The following RBCK1 variants were observed in gnomAD, a reference collection of about 807,000 sequenced individuals.
RBCK1 encodes the protein RANBP2-type and C3HC4-type zinc finger containing 1, also known as ranBP-type and C3HC4-type zinc finger-containing protein 1.
A neutral mutation model predicts 71.1 loss-of-function variants in RBCK1; 44 were observed. The observed-to-expected ratio is 0.62, with a 90% CI of 0.49 to 0.80. RBCK1 has a LOEUF of 0.80. Ranked by LOEUF, RBCK1 falls within the 30% of genes least tolerant of loss-of-function variation. The pLI is 0.00. For missense variants in RBCK1, 569 were observed against 685.0 expected, an observed-to-expected ratio of 0.83 and a Z score of 1.89; for synonymous variants, 306 against 279.7, an observed-to-expected ratio of 1.09 and a Z score of -0.94.
At chr20:423,264 A>T (rs981719366) in intron 8 of RBCK1, among the ~76,000 whole-genome samples, 5 of 152,150 alleles carry the variant, frequency 3.3e-5, no homozygotes, top group African/African-American at 1.2e-4. Context: ...GCGCCATTGC[A>T]CTCCAGCCTG....
chr20:420,398 C>T (rs949601162), intron 6 of RBCK1: 3 of 984,872 alleles, frequency 3.0e-6, no homozygotes, highest in South Asian at 9.4e-5. Flanking sequence ...CGGTGCTGCC[C>T]CTGGCCACCC....
Position 428,095 on chromosome 20 carries a change from A to C in RBCK1, c.1210-396A>C, listed in dbSNP as rs1043053051. Among the ~76,000 whole-genome samples the C allele has an allele frequency of 7.9e-5, 12 of 152,324 alleles. No individual in the cohort carries two copies. The highest frequency in any genetic ancestry group is 2.9e-4 in the African/African-American group (12 of 41,574). On this transcript the variant is annotated intron_variant, in intron 9 of 11. Coordinates refer to ENST00000356286, the MANE Select transcript of RBCK1 (RefSeq NM_031229.4). The surrounding 1 kb of genome is among the most constrained non-coding windows in gnomAD (Gnocchi z 5.7). ...GTAAACAGGTCTGGAGCCTGGTCTCAGACTCAGCCTGAGCAAGCTCAGTCT... is the reference window on the plus strand; with the variant it reads ...GTAAACAGGTCTGGAGCCTGGTCTCCGACTCAGCCTGAGCAAGCTCAGTCT...
chr20:426,816 CTTTTTTTTTTT>C lies in RBCK1; in HGVS notation c.1030-479_1030-469del, dbSNP rs768525416. Among the ~76,000 whole-genome samples, 5 of 95,476 alleles carry C rather than the reference CTTTTTTTTTTT, an allele frequency of 5.2e-5. No homozygotes were observed. The East Asian group carries it at 8.5e-4, about 16-fold the overall frequency. 62.6% of individuals were successfully genotyped at this position (95,476 alleles called of 152,430 possible). A position where few individuals can be genotyped will look rare whatever the true frequency, so the allele number is the denominator to read the frequency against. ...TCACTTTCTTTTTACTTTTCTTTTCCTTTTTTTTTTTTTTTTTTTTTTTTTTTTAGCTAGGA... is the reference window on the plus strand; with the variant it reads ...TCACTTTCTTTTTACTTTTCTTTTCCTTTTTTTTTTTTTTTTTAGCTAGGA... On this transcript the variant is annotated intron_variant, in intron 8 of 11. Coordinates refer to ENST00000356286, the MANE Select transcript of RBCK1 (RefSeq NM_031229.4).
intron 4 of RBCK1, among the ~76,000 whole-genome samples, chr20:418,431 C>G (rs1375778253): frequency 1.2e-3 from 188 of 152,118 alleles, no homozygotes; most frequent in African/African-American, 4.3e-3. Context: ...TGCAGTGGCA[C>G]AATCTCGGCT....
chr20:420,121 A>G lies in RBCK1; in HGVS notation c.756+390A>G. The stretch of plus-strand genomic sequence containing the variant: ...CGGACCTCACCCCCACCCGTCTGTG[A>G]CCTAAGCCTGCTCCACCTCGCCGTG... On this transcript the variant is annotated intron_variant, in intron 6 of 11. Transcript: ENST00000356286. 5 of 984,508 alleles carry G rather than the reference A, an allele frequency of 5.1e-6. 1 individual carries two copies. In the South Asian group the frequency reaches 2.4e-4, roughly 46 times the overall value. The allele number at this position is 984,508 out of a possible 1,614,324, so 61.0% of individuals were successfully genotyped here. A position where few individuals can be genotyped will look rare whatever the true frequency, so the allele number is the denominator to read the frequency against.
intron 11 of RBCK1, 142 bp downstream of exon 11, chr20:429,236 T>C: frequency 1.6e-6 from 2 of 1,268,934 alleles, no homozygotes; most frequent in East Asian, 2.9e-5. Flanking sequence ...ATTTTTTTTT[T>C]TTTTTTTGAA....
At chr20:411,109 A>G (rs2015679249) in intron 2 of RBCK1, among the ~76,000 whole-genome samples, 1 of 152,178 alleles carries the variant, frequency 6.6e-6, no homozygotes, top group Non-Finnish European at 1.5e-5. Context: ...TGGAAATTCC[A>G]TATAAGTTGA....
chr20:419,784 A>T (rs1384388532), intron 6 of RBCK1, 53 bp downstream of exon 6: 1 of 1,504,724 alleles, frequency 6.6e-7, no homozygotes, highest in African/African-American at 1.4e-5. Flanking sequence ...GGGGAGGTGT[A>T]GGCCAGGAAG....
At chr20:420,520 G>C in intron 6 of RBCK1, 2 of 984,038 alleles carry the variant, frequency 2.0e-6, no homozygotes, top group Admixed American at 6.2e-5. Flanking sequence ...TCACCACTCA[G>C]ACCCCGGCCC....
At chr20:420,158 G>T in intron 6 of RBCK1, 1 of 985,012 alleles carries the variant, frequency 1.0e-6, no homozygotes, top group Non-Finnish European at 1.2e-6. Flanking sequence ...CCTCACCCTG[G>T]ACTCTCCTAC....
Position 428,416 on chromosome 20 carries a change from G to T in RBCK1, c.1210-75G>T. The T allele has an allele frequency of 9.2e-7, 1 of 1,086,802 alleles. No individual in the cohort carries two copies. The allele number at this position is 1,086,802 out of a possible 1,614,324, so 67.3% of individuals were successfully genotyped here. On this transcript the variant is annotated intron_variant, in intron 9 of 11. Coordinates refer to ENST00000356286, the MANE Select transcript of RBCK1 (RefSeq NM_031229.4). This position sits in a 1 kb window ranked among gnomAD's most constrained non-coding sequence, Gnocchi z 5.7. The stretch of plus-strand genomic sequence containing the variant: ...GCATTAAGTGCCTTTGTGGACTCCT[G>T]CCCTGCACCTCACCTCTCCCAGCTT...
At chr20:419,253 GA>G in intron 4 of RBCK1, 93 bp from the exon 5 acceptor site, 1 of 1,542,908 alleles carries the variant, frequency 6.5e-7, no homozygotes, top group Non-Finnish European at 8.8e-7. Context: ...AGGATAGGGG[GA>G]GGGTCTGCCT....
Position 428,605 on chromosome 20 carries a change from G to A in RBCK1, c.1308+16G>A. The A allele has an allele frequency of 6.3e-7, 1 of 1,598,398 alleles. No homozygotes were observed. Among genetic ancestry groups the A allele is most frequent in the South Asian group, 1.1e-5 (1 of 88,428 alleles). ...GATGCTGAAGGTGAGGCTGGGACAG[G>A]GCCGAGGCCTAGGGATTTTAAGTTC... On this transcript the variant is annotated intron_variant, in intron 10 of 11. Coordinates refer to ENST00000356286, the MANE Select transcript of RBCK1 (RefSeq NM_031229.4). The surrounding 1 kb of genome is among the most constrained non-coding windows in gnomAD (Gnocchi z 5.7).
chr20:408,617 C>T lies in RBCK1; in HGVS notation c.-141C>T, dbSNP rs1043452573. The T allele has an allele frequency of 3.9e-6, 4 of 1,034,252 alleles. No individual in the cohort carries two copies. Among genetic ancestry groups the T allele is most frequent in the Admixed American group, 2.0e-5 (1 of 49,690 alleles). 64.1% of individuals were successfully genotyped at this position (1,034,252 alleles called of 1,614,324 possible). ...CCCGACTGCCGCGGGGACAGCGAGGCACACACAGGGCTTGGGCCGCGCCGG... is the reference window on the plus strand; with the variant it reads ...CCCGACTGCCGCGGGGACAGCGAGGTACACACAGGGCTTGGGCCGCGCCGG... On this transcript the variant is annotated 5_prime_UTR_variant, in exon 1 of 12. Coordinates refer to ENST00000356286, the MANE Select transcript of RBCK1 (RefSeq NM_031229.4).
rs149132789 is a variant in RBCK1 at position 428,739 on chromosome 20, G to A, written c.1308+150G>A. ...CACTCCCATCCGGAGGTGGGACTTA[G>A]GCCGAATGGTCATGTCAGGAAGAGC... On this transcript the variant is annotated intron_variant, in intron 10 of 11. Coordinates refer to ENST00000356286, the MANE Select transcript of RBCK1 (RefSeq NM_031229.4). This position sits in a 1 kb window ranked among gnomAD's most constrained non-coding sequence, Gnocchi z 5.7. 7.2e-7 allele frequency: 1 copy of A among 1,391,540 alleles called. No homozygotes were observed. The highest frequency in any genetic ancestry group is 9.5e-7 in the Non-Finnish European group (1 of 1,049,174). The allele number at this position is 1,391,540 out of a possible 1,614,324, so 86.2% of individuals were successfully genotyped here. A position where few individuals can be genotyped will look rare whatever the true frequency, so the allele number is the denominator to read the frequency against.
chr20:420,795 CT>C (rs984134865), intron 6 of RBCK1, 75 bp from the exon 7 acceptor site: 19 of 1,378,252 alleles, frequency 1.4e-5, no homozygotes, highest in South Asian at 6.4e-5. Flanking sequence ...ACCACGCCCC[CT>C]GGCCCTTCCC....
At chr20:426,159 C>T (rs1487888729) in intron 8 of RBCK1, among the ~76,000 whole-genome samples, 1 of 152,156 alleles carries the variant, frequency 6.6e-6, no homozygotes, top group African/African-American at 2.4e-5. Context: ...GCGTAATAAT[C>T]ACATCATGGA....
Position 432,107 on chromosome 20 carries a change from A to G in RBCK1, c.*1677A>G, listed in dbSNP as rs1409293269. On this transcript the variant is annotated 3_prime_UTR_variant, in exon 12 of 12. Coordinates refer to ENST00000356286, the MANE Select transcript of RBCK1 (RefSeq NM_031229.4). This position sits in a 1 kb window ranked among gnomAD's most constrained non-coding sequence, Gnocchi z 4.3. Reference sequence around the variant, plus strand: ...TTAAATTGGCAACATCGTTTACCACATTAAAATCTAGATGCCCTGCTTCTC... The same window carrying G: ...TTAAATTGGCAACATCGTTTACCACGTTAAAATCTAGATGCCCTGCTTCTC... 6.6e-6 allele frequency among the ~76,000 whole-genome samples: 1 copy of G among 152,184 alleles called. No homozygotes were observed. The highest frequency in any genetic ancestry group is 2.4e-5 in the African/African-American group (1 of 41,450).
chr20:414,392 T>C (rs1389513832), intron 2 of RBCK1, among the ~76,000 whole-genome samples: 1 of 152,244 alleles, frequency 6.6e-6, no homozygotes, highest in African/African-American at 2.4e-5. Flanking sequence ...GGTGAAACCC[T>C]GTCTCAAAGA....
Sources: gnomAD v4.1 joint callset for allele counts (sites outside exome capture counted in the v4.1 genomes callset) on GRCh38, gnomAD v4.1.1 for gene constraint, Gnocchi (gnomAD v3.1) non-coding constraint, MANE v1.5 for transcripts, NCBI Gene and HGNC (gene_info 2026-07-23, HGNC 2026-07-21) for gene names.